Variants in PTPRT observed in about 807,000 individuals in gnomAD.
The protein encoded by PTPRT is receptor-type tyrosine-protein phosphatase T.
Under a neutral mutation model 176.8 loss-of-function variants are expected in PTPRT, and 56 were observed. That is an observed-to-expected ratio of 0.32 (90% CI 0.26 to 0.40). The LOEUF is 0.40. PTPRT is among the 10% of genes least tolerant of loss of function. The pLI, the probability that PTPRT is intolerant of heterozygous loss-of-function variation, is 1.00. For missense variants in PTPRT, 1,540 were observed against 1,908.2 expected, an observed-to-expected ratio of 0.81 and a Z score of 3.60; for synonymous variants, 783 against 739.0, an observed-to-expected ratio of 1.06 and a Z score of -0.96.
chr20:42,924,507 G>A (rs1979359086), intron 1 of PTPRT, among the ~76,000 whole-genome samples: 1 of 152,152 alleles, frequency 6.6e-6, no homozygotes, highest in African/African-American at 2.4e-5. Flanking sequence ...TTGGTGAGAG[G>A]AGCCCACACT....
At chr20:42,899,796 G>C (rs553645903) in intron 1 of PTPRT, among the ~76,000 whole-genome samples, 2 of 152,286 alleles carry the variant, frequency 1.3e-5, no homozygotes, top group Admixed American at 1.3e-4. Flanking sequence ...CACAAGATTT[G>C]GTATCAGAGG....
intron 7 of PTPRT, among the ~76,000 whole-genome samples, chr20:42,479,023 T>A (rs917880151): frequency 6.6e-6 from 1 of 152,202 alleles, no homozygotes; most frequent in Admixed American, 6.5e-5. Context: ...CTCCTTACAC[T>A]CCAATTGTTA....
chr20:42,819,808 C>A (rs2077858997), intron 2 of PTPRT, among the ~76,000 whole-genome samples: 1 of 151,844 alleles, frequency 6.6e-6, no homozygotes, highest in Non-Finnish European at 1.5e-5. Context: ...AAACAAAGAT[C>A]AAAAAAGACA....
intron 1 of PTPRT, among the ~76,000 whole-genome samples, chr20:42,993,477 CATATATGTGTGTGTAT>C (rs1984047071): frequency 1.4e-5 from 1 of 69,280 alleles, no homozygotes; most frequent in Admixed American, 1.3e-4. Context: ...TATATATACA[CATATATGTGTGTGTAT>C]ATATATACAC....
At chr20:43,184,214 G>A (rs1027072763) in intron 1 of PTPRT, among the ~76,000 whole-genome samples, 13 of 152,138 alleles carry the variant, frequency 8.5e-5, no homozygotes, top group Non-Finnish European at 1.8e-4. Context: ...TGTGTCACAC[G>A]CACTTTAGCA....
chr20:43,095,585 C>T (rs1037217534), intron 1 of PTPRT, among the ~76,000 whole-genome samples: 1 of 151,562 alleles, frequency 6.6e-6, no homozygotes, highest in Non-Finnish European at 1.5e-5. Flanking sequence ...CCTTCCTTGC[C>T]CTCTCCTCTC....
At chr20:42,986,266 G>T (rs536724125) in intron 1 of PTPRT, among the ~76,000 whole-genome samples, 5 of 152,222 alleles carry the variant, frequency 3.3e-5, no homozygotes, top group African/African-American at 1.2e-4. Context: ...TTTCAAGAGC[G>T]ATTAGGTGGG....
intron 2 of PTPRT, among the ~76,000 whole-genome samples, chr20:42,881,157 T>C (rs1386725219): frequency 6.6e-6 from 1 of 152,196 alleles, no homozygotes; most frequent in Non-Finnish European, 1.5e-5. Flanking sequence ...GACTAACCCC[T>C]ACTCCAGGCA....
At chr20:42,941,697 C>T (rs1298610091) in intron 1 of PTPRT, among the ~76,000 whole-genome samples, 2 of 152,108 alleles carry the variant, frequency 1.3e-5, no homozygotes, top group Non-Finnish European at 2.9e-5. Context: ...AGTGAGACAG[C>T]AGAAAGAGAG....
chr20:42,513,323 G>C (rs995958781), intron 7 of PTPRT, among the ~76,000 whole-genome samples: 3 of 151,120 alleles, frequency 2.0e-5, no homozygotes, highest in African/African-American at 4.9e-5. Context: ...GTTAATTTCT[G>C]GATACCCAAT....
intron 1 of PTPRT, among the ~76,000 whole-genome samples, chr20:42,932,568 T>C (rs1055737935): frequency 5.9e-5 from 9 of 152,204 alleles, no homozygotes; most frequent in African/African-American, 2.2e-4. Context: ...TGTCATGTTG[T>C]GCACCCTGGT....
At chr20:42,085,250 A>G (rs947403947) in intron 28 of PTPRT, among the ~76,000 whole-genome samples, 1 of 152,126 alleles carries the variant, frequency 6.6e-6, no homozygotes, top group Non-Finnish European at 1.5e-5. Context: ...CTGGGCCCCA[A>G]GTAGTGACCA....
At chr20:42,555,726 A>G (rs911893374) in intron 7 of PTPRT, among the ~76,000 whole-genome samples, 6 of 152,176 alleles carry the variant, frequency 3.9e-5, no homozygotes, top group African/African-American at 1.4e-4. Context: ...ATTGCTGTAC[A>G]GAACATCTAA....
At chr20:42,385,426 T>C (rs948783292) in intron 9 of PTPRT, among the ~76,000 whole-genome samples, 2 of 152,164 alleles carry the variant, frequency 1.3e-5, no homozygotes, top group African/African-American at 4.8e-5. Context: ...GGCACAGGGA[T>C]AGAATGGTGG....
intron 11 of PTPRT, among the ~76,000 whole-genome samples, chr20:42,325,046 T>A (rs2145414677): frequency 6.6e-6 from 1 of 152,320 alleles, no homozygotes; most frequent in African/African-American, 2.4e-5. Flanking sequence ...AGGTTCAAAT[T>A]TGAATGCAAC....
chr20:42,552,037 C>G (rs2072780523), intron 7 of PTPRT, among the ~76,000 whole-genome samples: 2 of 152,112 alleles, frequency 1.3e-5, no homozygotes, highest in Non-Finnish European at 2.9e-5. Flanking sequence ...TTTCTAACCT[C>G]TAGAGAATTC....
chr20:42,042,364 T>C, the PTPRT span, among the ~76,000 whole-genome samples: 2 of 152,246 alleles, frequency 1.3e-5, no homozygotes, highest in African/African-American at 4.8e-5. Context: ...AATTAAACAC[T>C]TCTTTAGCCT....
chr20:42,475,353 G>A (rs942920900), intron 7 of PTPRT, among the ~76,000 whole-genome samples: 2 of 152,174 alleles, frequency 1.3e-5, no homozygotes, highest in Admixed American at 1.3e-4. Flanking sequence ...GCTATCAGTT[G>A]CACTCTCTAT....
At chr20:42,034,841 A>G in the PTPRT span, among the ~76,000 whole-genome samples, 1 of 152,186 alleles carries the variant, frequency 6.6e-6, no homozygotes, top group Non-Finnish European at 1.5e-5. Flanking sequence ...ATTGTGTTAA[A>G]AAAAGTGGAG....
Sources: allele counts gnomAD v4.1 joint callset (sites outside exome capture counted in the v4.1 genomes callset), GRCh38; gene constraint gnomAD v4.1.1; transcripts MANE v1.5; gene names NCBI Gene and HGNC (gene_info 2026-07-23, HGNC 2026-07-21).